Variants in POLQ observed in about 807,000 individuals in gnomAD.
POLQ encodes epididymis secretory sperm binding protein.
A neutral mutation model predicts 259.2 loss-of-function variants in POLQ; 233 were observed. The observed-to-expected ratio is 0.90, with a 90% confidence interval of 0.81 to 1.00. The LOEUF (loss-of-function observed/expected upper bound fraction) is 1.00. Among genes scored for constraint, POLQ ranks in the 50% least tolerant of loss-of-function variants. The pLI is 0.00. For synonymous variants in POLQ, 1,025 were observed against 1,048.8 expected (o/e 0.98, Z 0.44); for missense variants, 2,871 against 3,051.6 (o/e 0.94, Z 1.39).
Position 121,487,558 on chromosome 3 carries a change from A to G in POLQ, c.5373T>C (p.Asn1791=). 1 of 1,614,092 alleles carries G rather than the reference A, an allele frequency of 6.2e-7. No homozygotes were observed. ...TAATAGGGCTGTTGTCTTTGAACCC[A>G]TTTCTACTCCCTGGACTTAAATCGT... ...KNHDLSPGSR[N]GFKDNSPISD... The change falls in exon 16 of 30, where the codon AAT becomes AAC. Residue 1791 remains asparagine (N), a synonymous_variant. Coordinates refer to ENST00000264233, the MANE Select transcript of POLQ (RefSeq NM_199420.4).
intron 1 of POLQ, 148 bp downstream of exon 1, chr3:121,545,567 G>T: frequency 1.4e-6 from 1 of 722,574 alleles, no homozygotes; most frequent in Non-Finnish European, 2.2e-6. Flanking sequence ...AAAGTGACCT[G>T]CCACACCAGG....
intron 7 of POLQ, 68 bp from the exon 8 acceptor site, chr3:121,522,217 C>A: frequency 1.0e-6 from 1 of 979,968 alleles, no homozygotes. Flanking sequence ...CTGTCTAAAT[C>A]ATAATAGAGC....
chr3:121,455,966 T>G lies in POLQ; in HGVS notation c.7152+4084A>C, dbSNP rs1479034423. ...TTAGTCCAAAGTCCTTGATGAACAT[T>G]GATGCAAAAATCCTCAATAAAATAC... On this transcript the variant is annotated intron_variant, in intron 25 of 29. Transcript: ENST00000264233. Among the ~76,000 whole-genome samples the G allele has an allele frequency of 3.3e-5, 5 of 152,284 alleles. No individual in the cohort carries two copies. The East Asian group carries it at 7.7e-4, about 23-fold the overall frequency.
Position 121,490,323 on chromosome 3 carries a change from A to C in POLQ, c.2608T>G (p.Leu870Val), listed in dbSNP as rs1186823183. 1 of 1,614,224 alleles carries C rather than the reference A, an allele frequency of 6.2e-7. No homozygotes were observed. The highest frequency in any genetic ancestry group is 8.5e-7 in the Non-Finnish European group (1 of 1,180,028). Residue 870 changes from leucine to valine, a missense_variant, in exon 16 of 30, where the codon TTA (leucine) becomes GTA (valine). Transcript: ENST00000264233. ...AGGGCTGCTGCTTCCCTTTCAGTTA[A>C]ACCTTTTCTGCCAGTCACCCAGATA... Reference protein sequence around the residue: ...RTIWVTGRKGLTEREAAALIV... With the variant: ...RTIWVTGRKGVTEREAAALIV...
Position 121,488,241 on chromosome 3 carries a change from C to T in POLQ, c.4690G>A (p.Val1564Ile). 1 of 1,613,334 alleles carries T rather than the reference C, an allele frequency of 6.2e-7. No homozygotes were observed. The highest frequency in any genetic ancestry group is 8.5e-7 in the Non-Finnish European group (1 of 1,179,704). ...ESIIFSEMDSVQMVEALDNVD... is the reference protein window; with the variant it reads ...ESIIFSEMDSIQMVEALDNVD... ...TTGTCCAAAGCTTCAACCATCTGAA[C>T]AGAATCCATTTCTGAAAATATAATA... Residue 1564 changes from valine (V) to isoleucine (I), a missense_variant, in exon 16 of 30, where the codon GTT becomes ATT. This residue lies in a region of POLQ where 2,080 missense variants were observed against 2,126.0 expected (regional missense o/e 0.98). Coordinates refer to ENST00000264233, the MANE Select transcript of POLQ (RefSeq NM_199420.4).
Position 121,436,395 on chromosome 3 carries a change from C to T in POLQ, c.7390-120G>A, listed in dbSNP as rs1207583241. The stretch of plus-strand genomic sequence containing the variant: ...CAGACTGGAAAGCTGGACTGAGATG[C>T]AACCCAGAACACCAACTATTAGGCT... On this transcript the variant is annotated intron_variant, in intron 27 of 29. Transcript: ENST00000264233. The T allele has an allele frequency of 3.7e-6, 3 of 805,434 alleles. No individual in the cohort carries two copies. The South Asian group carries it at 5.0e-5, about 13-fold the overall frequency. 49.9% of individuals were successfully genotyped at this position (805,434 alleles called of 1,614,324 possible). A position where few individuals can be genotyped will look rare whatever the true frequency, so the allele number is the denominator to read the frequency against.
chr3:121,439,121 G>C (rs2047567366), intron 27 of POLQ, among the ~76,000 whole-genome samples: 1 of 152,024 alleles, frequency 6.6e-6, no homozygotes, highest in South Asian at 2.1e-4. Context: ...AATTCAGAAA[G>C]ACACTTAAAC....
At chr3:121,524,143 G>T (rs1444129091) in intron 7 of POLQ, among the ~76,000 whole-genome samples, 1 of 152,118 alleles carries the variant, frequency 6.6e-6, no homozygotes, top group African/African-American at 2.4e-5. Flanking sequence ...CTCAAGAAAA[G>T]AAAATGATGA....
At chr3:121,473,291 A>G (rs773697021) in intron 21 of POLQ, 59 bp downstream of exon 21, 7 of 1,427,372 alleles carry the variant, frequency 4.9e-6, no homozygotes, top group Non-Finnish European at 3.8e-6. Context: ...CTTTCTAGAC[A>G]CCAAAATGTT....
intron 19 of POLQ, among the ~76,000 whole-genome samples, chr3:121,478,940 G>A (rs2047948124): frequency 6.6e-6 from 1 of 152,100 alleles, no homozygotes; most frequent in Non-Finnish European, 1.5e-5. Context: ...TGACTTAACA[G>A]ACATATAAAA....
intron 20 of POLQ, among the ~76,000 whole-genome samples, chr3:121,475,074 G>A (rs1010104580): frequency 2.0e-5 from 3 of 152,118 alleles, no homozygotes; most frequent in Non-Finnish European, 4.4e-5. Flanking sequence ...ACTATTGACT[G>A]TAGTCACCCT....
chr3:121,484,983 T>C (rs1249499708), intron 17 of POLQ, 58 bp downstream of exon 17: 2 of 1,226,194 alleles, frequency 1.6e-6, no homozygotes, highest in Non-Finnish European at 2.3e-6. Flanking sequence ...ATAAGATCAC[T>C]ACCCTAATGG....
intron 19 of POLQ, among the ~76,000 whole-genome samples, chr3:121,479,362 ATGTGTGTGTG>A (rs71133538): frequency 2.1e-5 from 3 of 142,654 alleles, no homozygotes; most frequent in African/African-American, 5.2e-5. Context: ...AAAAAAAAAA[ATGTGTGTGTG>A]TGTGTGTGTG....
intron 25 of POLQ, among the ~76,000 whole-genome samples, chr3:121,456,425 A>G (rs2047737773): frequency 1.3e-5 from 2 of 152,096 alleles, no homozygotes; most frequent in African/African-American, 4.8e-5. Flanking sequence ...TTCAATTAGG[A>G]AAAGAGGAAG....
intron 7 of POLQ, among the ~76,000 whole-genome samples, chr3:121,529,392 GAACTATA>G (rs2048395051): frequency 6.6e-6 from 1 of 152,126 alleles, no homozygotes; most frequent in African/African-American, 2.4e-5. Context: ...CCCTGATAAA[GAACTATA>G]GTATATACCC....
intron 20 of POLQ, among the ~76,000 whole-genome samples, chr3:121,475,719 G>A (rs1257055385): frequency 6.6e-6 from 1 of 152,146 alleles, no homozygotes; most frequent in African/African-American, 2.4e-5. Context: ...GCAGGACGAA[G>A]AAGCCAATAC....
chr3:121,459,310 T>C (rs1560089377), intron 25 of POLQ, among the ~76,000 whole-genome samples: 1 of 147,512 alleles, frequency 6.8e-6, no homozygotes, highest in African/African-American at 2.5e-5. Context: ...CTTGATGCTA[T>C]AAAAGATATA....
chr3:121,460,993 A>G (rs567180012), intron 24 of POLQ, among the ~76,000 whole-genome samples: 9 of 152,352 alleles, frequency 5.9e-5, no homozygotes, highest in African/African-American at 2.2e-4. Context: ...CAAACTATAA[A>G]TAAGAAGTTC....
chr3:121,522,801 A>AGC (rs1457108536), intron 7 of POLQ, among the ~76,000 whole-genome samples: 1 of 152,164 alleles, frequency 6.6e-6, no homozygotes. Context: ...CTGCTGAGGA[A>AGC]GCAGAGTATT....
Sources: gnomAD v4.1 joint callset for allele counts (sites outside exome capture counted in the v4.1 genomes callset) on GRCh38, gnomAD v4.1.1 for gene constraint, gnomAD v4.1.1 regional missense constraint, MANE v1.5 for transcripts, NCBI Gene and HGNC (gene_info 2026-07-23, HGNC 2026-07-21) for gene names.